The following CCAR1 variants were observed in gnomAD, a reference collection of about 807,000 sequenced individuals.
CCAR1 encodes cell division cycle and apoptosis regulator 1, also known as cell division cycle and apoptosis regulator protein 1.
Under a neutral mutation model 163.8 loss-of-function variants are expected in CCAR1, and 78 were observed. The observed-to-expected ratio is 0.48, with a 90% CI of 0.40 to 0.57. CCAR1 has a LOEUF of 0.57. Ranked by LOEUF, CCAR1 falls within the 20% of genes least tolerant of loss-of-function variation. The probability of loss-of-function intolerance (pLI) is 0.00; values close to 1 mark genes in which losing one functional copy is unlikely to be tolerated. For synonymous variants in CCAR1, 443 were observed against 460.7 expected, an observed-to-expected ratio of 0.96 and a Z score of 0.49; for missense variants, 1,019 against 1,365.2, an observed-to-expected ratio of 0.75 and a Z score of 4.00.
At chr10:68,760,892 AAC>A (rs2056461650) in intron 15 of CCAR1, 113 bp from the exon 16 acceptor site, 5 of 394,462 alleles carry the variant, frequency 1.3e-5, no homozygotes, top group Non-Finnish European at 1.8e-5. Context: ...AAAAAAAAAA[AAC>A]ACACAAAATA....
At position 68,756,590 on chromosome 10, in the gene CCAR1, A is replaced by G. The variant is rs1370751866; in HGVS notation, c.1836+107A>G. The G allele has an allele frequency of 2.3e-6, 2 of 880,924 alleles. No individual in the cohort carries two copies. Among genetic ancestry groups the G allele is most frequent in the South Asian group, 2.9e-5 (2 of 70,106 alleles). The allele number at this position is 880,924 out of a possible 1,614,324, so 54.6% of individuals were successfully genotyped here. ...TAATAAACACACATGGAGGAACATA[A>G]CTGGTAACAGCGACTGGTAATCCAG... is the stretch of plus-strand genomic sequence containing the variant. On this transcript the variant is annotated intron_variant, in intron 14 of 24. Coordinates refer to ENST00000265872, the MANE Select transcript of CCAR1 (RefSeq NM_018237.4). The surrounding 1 kb of genome is among the most constrained non-coding windows in gnomAD (Gnocchi z 5.1).
At chr10:68,782,669 A>G (rs2056750506) in intron 19 of CCAR1, among the ~76,000 whole-genome samples, 1 of 152,150 alleles carries the variant, frequency 6.6e-6, no homozygotes, top group Non-Finnish European at 1.5e-5. Context: ...CTCATTTACC[A>G]TTCCAAAAAT....
In CCAR1 at chr10:68,742,259, A is replaced by G. The variant is rs529963612; in HGVS notation, c.325-117A>G. The G allele has an allele frequency of 3.5e-5, 25 of 710,984 alleles. No homozygotes were observed. The African/African-American group carries it at 4.3e-4, about 12-fold the overall frequency. 44.0% of individuals were successfully genotyped at this position (710,984 alleles called of 1,614,324 possible). On this transcript the variant is annotated intron_variant, in intron 5 of 24. Coordinates refer to ENST00000265872, the MANE Select transcript of CCAR1 (RefSeq NM_018237.4). Reference sequence around the variant, plus strand: ...GACCTGACTCTCAAGATGTACATGTATATCTTCTAACATAATATGAAATTT... The same window carrying G: ...GACCTGACTCTCAAGATGTACATGTGTATCTTCTAACATAATATGAAATTT...
rs146482143 is a variant in CCAR1, at chr10:68,728,603, A to G, written c.73+6026A>G. Among the ~76,000 whole-genome samples, 5 of 152,322 alleles carry G rather than the reference A, an allele frequency of 3.3e-5. No homozygotes were observed. In the East Asian group the frequency reaches 9.6e-4, roughly 29 times the overall value. ...CGGAAGAGCTGTCATCTGTTAGGAC[A>G]TTATAGAGAGTATAAGAACCTCATA... On this transcript the variant is annotated intron_variant, in intron 2 of 24. Coordinates refer to ENST00000265872, the MANE Select transcript of CCAR1 (RefSeq NM_018237.4).
At chr10:68,734,876 C>A (rs776277711) in intron 2 of CCAR1, among the ~76,000 whole-genome samples, 6 of 152,154 alleles carry the variant, frequency 3.9e-5, no homozygotes, top group South Asian at 4.1e-4. Context: ...CAAGTAAAAC[C>A]TTTATCATAT....
At position 68,738,338 on chromosome 10, in the gene CCAR1, G is replaced by T. The variant is rs796739091; in HGVS notation, c.291+449G>T. Reference sequence around the variant, plus strand: ...CTGAGACAGGGAGGCTGAGGCAGGAGAATCGCTTGAACTCAGGAGGCGGAG... The same window carrying T: ...CTGAGACAGGGAGGCTGAGGCAGGATAATCGCTTGAACTCAGGAGGCGGAG... On this transcript the variant is annotated intron_variant, in intron 4 of 24. Transcript: ENST00000265872. Among the ~76,000 whole-genome samples, 28 of 152,208 alleles carry T rather than the reference G, an allele frequency of 1.8e-4. 1 individual carries two copies. Among genetic ancestry groups the T allele is most frequent in the African/African-American group, 6.5e-4 (27 of 41,544 alleles).
rs752836010 is a variant in CCAR1, at chr10:68,749,609, C to T, written c.1042C>T (p.Arg348Ter). Residue 348 changes from arginine to a stop codon, truncating the protein, a stop_gained, in exon 10 of 25, where the codon CGA (arginine) becomes TGA (stop). Transcript: ENST00000265872. LOFTEE classifies it high-confidence loss of function. ...RSRERSPRRE[R>*]ERSPRRVRRV... ...CCGGGAAAGATCTCCACGAAGAGAG[C>T]GAGAGCGATCACCTCGGAGAGTTCG... The T allele has an allele frequency of 1.9e-6, 3 of 1,613,854 alleles. No individual in the cohort carries two copies. The highest frequency in any genetic ancestry group is 1.7e-6 in the Non-Finnish European group (2 of 1,179,784).
Position 68,721,537 on chromosome 10 carries a change from A to G in CCAR1, c.-51+255A>G, listed in dbSNP as rs1018088329. The stretch of plus-strand genomic sequence containing the variant: ...GCCCCCAGCGCCCCTCAGCCTCGGC[A>G]TGGCGACGCTGCAGTCCGCCGCCCC... On this transcript the variant is annotated intron_variant, in intron 1 of 24. Coordinates refer to ENST00000265872, the MANE Select transcript of CCAR1 (RefSeq NM_018237.4). The G allele has an allele frequency of 6.7e-6, 3 of 447,026 alleles. 1 individual carries two copies. Among genetic ancestry groups the G allele is most frequent in the South Asian group, 4.7e-5 (3 of 63,810 alleles). The allele number at this position is 447,026 out of a possible 1,614,324, so 27.7% of individuals were successfully genotyped here.
intron 19 of CCAR1, among the ~76,000 whole-genome samples, chr10:68,776,072 A>G (rs1484410684): frequency 6.9e-6 from 1 of 144,584 alleles, no homozygotes; most frequent in African/African-American, 2.6e-5. Context: ...CTCGTGATTT[A>G]CCCGCCTCAG....
At position 68,747,447 on chromosome 10, in the gene CCAR1, T is replaced by C. The variant is rs1331148678; in HGVS notation, c.707T>C (p.Phe236Ser). Reference protein sequence around the residue: ...VLQPIAPQTTFGVQTQPQPQS... With the variant: ...VLQPIAPQTTSGVQTQPQPQS... ...CAGCCAATTGCACCACAGACAACAT[T>C]TGGTGTTCAGACTCAGCCCCAGCCC... is the stretch of plus-strand genomic sequence containing the variant. The change falls in exon 8 of 25, where the codon TTT becomes TCT. Residue 236 changes from phenylalanine (F) to serine (S), a missense_variant. Transcript: ENST00000265872. 2 of 1,613,962 alleles carry C rather than the reference T, an allele frequency of 1.2e-6. No homozygotes were observed. The highest frequency in any genetic ancestry group is 1.7e-6 in the Non-Finnish European group (2 of 1,180,002).
At chr10:68,775,094 TA>T (rs2056647917) in intron 19 of CCAR1, 1 of 216,080 alleles carries the variant, frequency 4.6e-6, no homozygotes, top group Admixed American at 5.7e-5. Context: ...AACACCTGTG[TA>T]TCCATCAACT....
chr10:68,752,938 A>AGATAGATAGATT (rs1160471372), intron 10 of CCAR1, among the ~76,000 whole-genome samples: 16 of 138,492 alleles, frequency 1.2e-4, no homozygotes, highest in South Asian at 2.3e-4. Context: ...ATAGATAGAT[A>AGATAGATAGATT]GATTCTGTCT....
At chr10:68,768,697 C>G (rs1167334498) in intron 17 of CCAR1, among the ~76,000 whole-genome samples, 3 of 151,996 alleles carry the variant, frequency 2.0e-5, no homozygotes, top group African/African-American at 7.2e-5. Context: ...TAAATAAATA[C>G]ATAGGCTGGG....
At chr10:68,786,491 G>T in intron 20 of CCAR1, 55 bp from the exon 21 acceptor site, 1 of 1,279,056 alleles carries the variant, frequency 7.8e-7, no homozygotes. Flanking sequence ...TCACTTTTTG[G>T]GGGTAAAAAA....
chr10:68,759,839 T>C (rs924535396), intron 15 of CCAR1, among the ~76,000 whole-genome samples: 1 of 152,178 alleles, frequency 6.6e-6, no homozygotes, highest in Non-Finnish European at 1.5e-5. Flanking sequence ...TAAATTGATA[T>C]ACAGATATTT....
chr10:68,772,822 A>G lies in CCAR1; in HGVS notation c.2539-166A>G, dbSNP rs1336365949. 6.0e-5 allele frequency among the ~76,000 whole-genome samples: 9 copies of G among 151,046 alleles called. No individual in the cohort carries two copies. In the South Asian group the frequency reaches 1.2e-3, roughly 21 times the overall value. ...TAATTGTTATGATAATATAATAATAATATAACTACTGGCTGTGGTGGCTCA... is the reference window on the plus strand; with the variant it reads ...TAATTGTTATGATAATATAATAATAGTATAACTACTGGCTGTGGTGGCTCA... On this transcript the variant is annotated intron_variant, in intron 18 of 24. Coordinates refer to ENST00000265872, the MANE Select transcript of CCAR1 (RefSeq NM_018237.4).
intron 15 of CCAR1, among the ~76,000 whole-genome samples, chr10:68,758,469 C>T (rs895125401): frequency 4.3e-4 from 64 of 150,264 alleles, no homozygotes; most frequent in African/African-American, 1.5e-3. Flanking sequence ...ATGGGCAGAT[C>T]GCTTGAGTCC....
At chr10:68,771,085 A>T in intron 17 of CCAR1, 121 bp from the exon 18 acceptor site, 1 of 837,706 alleles carries the variant, frequency 1.2e-6, no homozygotes, top group Admixed American at 3.0e-5. Flanking sequence ...CTCAAAAAAA[A>T]AAAAGTTTGA....
At chr10:68,783,458 C>T (rs2056760613) in intron 19 of CCAR1, among the ~76,000 whole-genome samples, 1 of 152,010 alleles carries the variant, frequency 6.6e-6, no homozygotes, top group Non-Finnish European at 1.5e-5. Context: ...CAGGCGTGAG[C>T]CACCGTTCCT....
Sources: allele counts gnomAD v4.1 joint callset (sites outside exome capture counted in the v4.1 genomes callset), GRCh38; gene constraint gnomAD v4.1.1; non-coding constraint Gnocchi (gnomAD v3.1); transcripts MANE v1.5; gene names NCBI Gene and HGNC (gene_info 2026-07-23, HGNC 2026-07-21).